The following SLC24A2 variants were observed in gnomAD, a reference collection of about 807,000 sequenced individuals.
SLC24A2 encodes the protein solute carrier family 24 member 2.
In SLC24A2, 36 loss-of-function variants were observed where a neutral mutation model predicts 62.0. The ratio of observed to expected loss-of-function variants is 0.58; its 90% CI spans 0.44 to 0.77. The LOEUF (loss-of-function observed/expected upper bound fraction) is 0.77, where lower values mean the gene tolerates loss of function less well. SLC24A2 is among the 30% of genes least tolerant of loss of function. The pLI is 0.00. For synonymous variants in SLC24A2, 358 were observed against 294.0 expected (o/e 1.22, Z -2.23); for missense variants, 846 against 817.9 (o/e 1.03, Z -0.42).
At chr9:20,287,388 G>A in the SLC24A2 span, among the ~76,000 whole-genome samples, 1 of 152,164 alleles carries the variant, frequency 6.6e-6, no homozygotes, top group Non-Finnish European at 1.5e-5. Context: ...CCAGAGGTGT[G>A]TCTCTCCTCA....
chr9:19,838,652 A>C, the SLC24A2 span, among the ~76,000 whole-genome samples: 1 of 150,840 alleles, frequency 6.6e-6, no homozygotes, highest in African/African-American at 2.4e-5. Flanking sequence ...AAAAAAAAGA[A>C]AAAAAAAAGT....
At chr9:20,152,684 G>A in the SLC24A2 span, among the ~76,000 whole-genome samples, 1 of 151,824 alleles carries the variant, frequency 6.6e-6, no homozygotes, top group Non-Finnish European at 1.5e-5. Flanking sequence ...TTTTGACTAG[G>A]ATGCAGGCTT....
At chr9:20,259,616 T>C in the SLC24A2 span, among the ~76,000 whole-genome samples, 1 of 151,974 alleles carries the variant, frequency 6.6e-6, no homozygotes. Flanking sequence ...CTTAATGATC[T>C]CAAGTCTCTG....
At chr9:19,963,680 C>T in the SLC24A2 span, among the ~76,000 whole-genome samples, 1 of 152,148 alleles carries the variant, frequency 6.6e-6, no homozygotes, top group Non-Finnish European at 1.5e-5. Flanking sequence ...TACCATCTCA[C>T]ACCAGTTAGA....
intron 8 of SLC24A2, among the ~76,000 whole-genome samples, chr9:19,531,694 C>T (rs965473151): frequency 8.5e-6 from 1 of 117,800 alleles, no homozygotes; most frequent in Non-Finnish European, 1.7e-5. Flanking sequence ...TAACAAAGAC[C>T]CCCCCCCACC....
intron 5 of SLC24A2, among the ~76,000 whole-genome samples, chr9:19,595,875 G>T (rs887517108): frequency 1.3e-5 from 2 of 152,106 alleles, no homozygotes; most frequent in African/African-American, 4.8e-5. Flanking sequence ...AATAATAACT[G>T]GGACAGGAGC....
chr9:20,021,360 T>C, the SLC24A2 span, among the ~76,000 whole-genome samples: 1 of 151,828 alleles, frequency 6.6e-6, no homozygotes, highest in African/African-American at 2.4e-5. Context: ...TATATATATA[T>C]ATTTATATAT....
the SLC24A2 span, among the ~76,000 whole-genome samples, chr9:20,047,209 C>G: frequency 6.6e-6 from 1 of 152,126 alleles, no homozygotes; most frequent in Non-Finnish European, 1.5e-5. Flanking sequence ...TTTGAGAACA[C>G]CAGCTTTGGA....
At chr9:19,544,918 C>T (rs1214202575) in intron 8 of SLC24A2, among the ~76,000 whole-genome samples, 1 of 152,152 alleles carries the variant, frequency 6.6e-6, no homozygotes, top group Non-Finnish European at 1.5e-5. Flanking sequence ...GGTTGCTCTT[C>T]TCAAGGAGTA....
the SLC24A2 span, among the ~76,000 whole-genome samples, chr9:19,980,798 T>G: frequency 6.6e-6 from 1 of 152,138 alleles, no homozygotes; most frequent in Non-Finnish European, 1.5e-5. Context: ...ACAAAATTGT[T>G]GAGAGTTAAA....
chr9:20,213,455 G>A, the SLC24A2 span, among the ~76,000 whole-genome samples: 1 of 148,342 alleles, frequency 6.7e-6, no homozygotes, highest in Non-Finnish European at 1.5e-5. Context: ...CTGATACAAG[G>A]GATTAATGAG....
At chr9:19,758,772 T>C (rs1308451688) in intron 2 of SLC24A2, among the ~76,000 whole-genome samples, 2 of 152,186 alleles carry the variant, frequency 1.3e-5, no homozygotes, top group Middle Eastern at 3.2e-3. Context: ...AATAATGCTA[T>C]ATTCAGTAAG....
chr9:19,635,799 G>C (rs1270465039), intron 2 of SLC24A2, among the ~76,000 whole-genome samples: 2 of 152,148 alleles, frequency 1.3e-5, no homozygotes, highest in Non-Finnish European at 2.9e-5. Flanking sequence ...TAATTTTAAA[G>C]TAAACTGCAG....
chr9:19,550,079 C>A, intron 8 of SLC24A2, 58 bp downstream of exon 8: 1 of 1,560,952 alleles, frequency 6.4e-7, no homozygotes, highest in Non-Finnish European at 8.8e-7. Context: ...GCAGACTATG[C>A]ACCCTGTTAT....
intron 2 of SLC24A2, among the ~76,000 whole-genome samples, chr9:19,623,078 G>C (rs748357904): frequency 9.2e-5 from 14 of 152,096 alleles, no homozygotes; most frequent in Non-Finnish European, 1.3e-4. Context: ...TCAGACAAGG[G>C]GGCAGTGGAA....
At chr9:19,526,288 T>C (rs1443769422) in intron 9 of SLC24A2, among the ~76,000 whole-genome samples, 1 of 152,220 alleles carries the variant, frequency 6.6e-6, no homozygotes, top group Non-Finnish European at 1.5e-5. Flanking sequence ...TTTTTGGTAA[T>C]TATGAATAAT....
chr9:19,665,246 G>C (rs1309231801), intron 2 of SLC24A2, among the ~76,000 whole-genome samples: 1 of 152,136 alleles, frequency 6.6e-6, no homozygotes, highest in Non-Finnish European at 1.5e-5. Context: ...TGTTGTTATT[G>C]TCCAAGGAAA....
At chr9:19,970,978 G>C in the SLC24A2 span, among the ~76,000 whole-genome samples, 1 of 152,156 alleles carries the variant, frequency 6.6e-6, no homozygotes, top group Non-Finnish European at 1.5e-5. Flanking sequence ...TAACTTTGTA[G>C]TGCTATCCCA....
chr9:20,019,221 CAGAAAGAAAGAAAG>C, the SLC24A2 span, among the ~76,000 whole-genome samples: 1 of 90,940 alleles, frequency 1.1e-5, no homozygotes, highest in Non-Finnish European at 2.4e-5. Flanking sequence ...GAAAGAAAGA[CAGAAAGAAAGAAAG>C]AAAAAGAAAG....
Sources: allele counts gnomAD v4.1 joint callset (sites outside exome capture counted in the v4.1 genomes callset), GRCh38; gene constraint gnomAD v4.1.1; transcripts MANE v1.5; gene names NCBI Gene and HGNC (gene_info 2026-07-23, HGNC 2026-07-21).